OGA: variants seen among roughly 807,000 people sequenced by gnomAD.
The protein encoded by OGA is O-GlcNAcase.
OGA carries 21 observed loss-of-function variants against 102.0 expected under a neutral mutation model. The ratio of observed to expected loss-of-function variants is 0.21; its 90% CI spans 0.15 to 0.30. The LOEUF is 0.30. OGA is among the 10% of genes least tolerant of loss of function. OGA has a pLI of 1.00. For missense variants in OGA, 765 were observed against 1,107.8 expected (o/e 0.69, Z 4.39); for synonymous variants, 408 against 378.2 (o/e 1.08, Z -0.91).
In OGA at chr10:101,795,813, A is replaced by C. The variant is rs988749655; in HGVS notation, c.1985-1815T>G. 11 of 754,310 alleles carry C rather than the reference A, an allele frequency of 1.5e-5. No homozygotes were observed. The African/African-American group carries it at 1.9e-4, about 13-fold the overall frequency. 46.7% of individuals were successfully genotyped at this position (754,310 alleles called of 1,614,324 possible). A position where few individuals can be genotyped will look rare whatever the true frequency, so the allele number is the denominator to read the frequency against. ...AATGATAGTTGATGAGCTTAAAAAA[A>C]ATAAAAAATAAAAAAACTCACAATG... On this transcript the variant is annotated intron_variant, in intron 10 of 15. Coordinates refer to ENST00000361464, the MANE Select transcript of OGA (RefSeq NM_012215.5).
chr10:101,808,557 C>A (rs1482029866), intron 4 of OGA, among the ~76,000 whole-genome samples: 1 of 152,168 alleles, frequency 6.6e-6, no homozygotes, highest in African/African-American at 2.4e-5. Flanking sequence ...AGTAAAATAA[C>A]TTCATTCATG....
intron 11 of OGA, chr10:101,793,699 G>A (rs779310785): frequency 1.1e-4 from 52 of 476,880 alleles, no homozygotes; most frequent in Non-Finnish European, 1.6e-4. Context: ...GAGCCGCTGC[G>A]CTTCGCAGGC....
At chr10:101,806,023 G>A (rs1439231117) in intron 6 of OGA, 22 bp downstream of exon 6, 3 of 1,490,860 alleles carry the variant, frequency 2.0e-6, no homozygotes, top group African/African-American at 1.4e-5. Flanking sequence ...AACTTTGACT[G>A]TATAAATCTT....
intron 6 of OGA, among the ~76,000 whole-genome samples, chr10:101,804,619 T>C (rs1360883837): frequency 4.0e-5 from 6 of 151,894 alleles, no homozygotes; most frequent in Non-Finnish European, 1.5e-5. Flanking sequence ...TGAGACAGGG[T>C]CTCCTCTGTT....
intron 14 of OGA, among the ~76,000 whole-genome samples, chr10:101,788,735 A>C (rs1381935203): frequency 7.1e-6 from 1 of 140,914 alleles, no homozygotes; most frequent in Non-Finnish European, 1.6e-5. Context: ...ACTCCGTCTC[A>C]AAAAAAAAAA....
intron 7 of OGA, among the ~76,000 whole-genome samples, chr10:101,802,482 T>C (rs954705272): frequency 2.6e-5 from 4 of 152,082 alleles, no homozygotes; most frequent in African/African-American, 9.7e-5. Flanking sequence ...AAGACCAGCC[T>C]GACATGGAGA....
intron 10 of OGA, among the ~76,000 whole-genome samples, chr10:101,794,570 A>C (rs1169105289): frequency 1.3e-5 from 2 of 152,240 alleles, no homozygotes; most frequent in African/African-American, 4.8e-5. Flanking sequence ...AACAATTCAA[A>C]ATCAGACTTG....
chr10:101,814,800 T>TC (rs1331157008), intron 1 of OGA, among the ~76,000 whole-genome samples: 1 of 152,122 alleles, frequency 6.6e-6, no homozygotes, highest in African/African-American at 2.4e-5. Context: ...CTCAAGAATG[T>TC]CCCCAGAGTA....
chr10:101,818,444 C>G lies in OGA; in HGVS notation c.-422G>C. 1 of 1,006,386 alleles carries G rather than the reference C, an allele frequency of 9.9e-7. No homozygotes were observed. Among genetic ancestry groups the G allele is most frequent in the South Asian group, 4.1e-5 (1 of 24,274 alleles). The allele number at this position is 1,006,386 out of a possible 1,614,324, so 62.3% of individuals were successfully genotyped here. ...CCACCGCCCGCTTCCTGTTTATCCG[C>G]ACTGCGCTTGCGCTGCAGACCGGCT... On this transcript the variant is annotated 5_prime_UTR_variant, in exon 1 of 16. Coordinates refer to ENST00000361464, the MANE Select transcript of OGA (RefSeq NM_012215.5).
At chr10:101,786,774 C>T (rs1034747651) in intron 15 of OGA, among the ~76,000 whole-genome samples, 187 bp from the exon 16 acceptor site, 1 of 152,230 alleles carries the variant, frequency 6.6e-6, no homozygotes, top group Non-Finnish European at 1.5e-5. Context: ...TGAGCCACTG[C>T]ACCCAGCTTC....
chr10:101,800,675 C>T (rs1025326063), intron 7 of OGA, among the ~76,000 whole-genome samples: 2 of 151,916 alleles, frequency 1.3e-5, no homozygotes, highest in Non-Finnish European at 2.9e-5. Flanking sequence ...CAATCTTAAC[C>T]GTCTACTGAG....
chr10:101,815,318 G>A (rs1255243429), intron 1 of OGA, among the ~76,000 whole-genome samples: 2 of 150,790 alleles, frequency 1.3e-5, no homozygotes, highest in African/African-American at 4.9e-5. Flanking sequence ...TCACTCTGTC[G>A]CCCAGGCTGG....
At position 101,807,850 on chromosome 10, in the gene OGA, G is replaced by A. The variant is rs1391227010; in HGVS notation, c.532C>T (p.His178Tyr). ...TCTTTGTCTGCTGCACACATATTATGGTCTATATCATCAAAAAGCAAAGCA... is the reference window on the plus strand; with the variant it reads ...TCTTTGTCTGCTGCACACATATTATAGTCTATATCATCAAAAAGCAAAGCA... ...SFALLFDDIDHNMCAADKEVF... is the reference protein window; with the variant it reads ...SFALLFDDIDYNMCAADKEVF... Residue 178 changes from histidine to tyrosine, a missense_variant, in exon 5 of 16, where the codon CAT (histidine) becomes TAT (tyrosine). His to Tyr is a moderately conservative substitution (Grantham distance 83, BLOSUM62 2). This residue lies in a region of OGA where 165 missense variants were observed against 249.7 expected (regional missense o/e 0.66). Transcript: ENST00000361464. 2 of 1,602,136 alleles carry A rather than the reference G, an allele frequency of 1.2e-6. No homozygotes were observed. The highest frequency in any genetic ancestry group is 1.7e-6 in the Non-Finnish European group (2 of 1,175,736).
chr10:101,787,918 C>A (rs980893108), intron 14 of OGA: 1 of 164,236 alleles, frequency 6.1e-6, no homozygotes, highest in Admixed American at 5.9e-5. Flanking sequence ...AAAGCTTGGG[C>A]CAGAGATCAA....
rs376694206 is a variant in OGA at position 101,787,217 on chromosome 10, C to T, written c.2614+147G>A. ...AATTATTAATACACATGCGATTCTTCACCACTAATTAATTCAGAAACCAAA... is the reference window on the plus strand; with the variant it reads ...AATTATTAATACACATGCGATTCTTTACCACTAATTAATTCAGAAACCAAA... On this transcript the variant is annotated intron_variant, in intron 15 of 15. Coordinates refer to ENST00000361464, the MANE Select transcript of OGA (RefSeq NM_012215.5). 33 of 843,866 alleles carry T rather than the reference C, an allele frequency of 3.9e-5. No individual in the cohort carries two copies. The East Asian group carries it at 7.6e-4, about 19-fold the overall frequency. The allele number at this position is 843,866 out of a possible 1,614,324, so 52.3% of individuals were successfully genotyped here. A position where few individuals can be genotyped will look rare whatever the true frequency, so the allele number is the denominator to read the frequency against.
intron 10 of OGA, chr10:101,795,806 T>TA (rs1481785992): frequency 3.2e-5 from 23 of 712,150 alleles, no homozygotes; most frequent in South Asian, 6.4e-5. Context: ...TTGATGAGCT[T>TA]AAAAAAAATA....
In OGA at chr10:101,797,960, A is replaced by G; in HGVS notation, c.1984+20T>C. On this transcript the variant is annotated intron_variant, in intron 10 of 15. Transcript: ENST00000361464. ...GGGACAATATATTTGAGGAGAAGAG[A>G]TTATTCCTGGTGCACCTACCTAACC... 1 of 1,603,512 alleles carries G rather than the reference A, an allele frequency of 6.2e-7. No homozygotes were observed. Among genetic ancestry groups the G allele is most frequent in the Non-Finnish European group, 8.5e-7 (1 of 1,171,874 alleles).
At chr10:101,791,811 C>A (rs894989043) in intron 12 of OGA, among the ~76,000 whole-genome samples, 4 of 151,894 alleles carry the variant, frequency 2.6e-5, no homozygotes, top group Non-Finnish European at 5.9e-5. Flanking sequence ...GGATTACAGG[C>A]ATACGCCACC....
intron 14 of OGA, among the ~76,000 whole-genome samples, chr10:101,789,791 C>T (rs555791087): frequency 2.0e-5 from 3 of 152,118 alleles, no homozygotes; most frequent in South Asian, 2.1e-4. Flanking sequence ...CTGGGCAACA[C>T]GGCGAAACCC....
Sources: allele counts gnomAD v4.1 joint callset (sites outside exome capture counted in the v4.1 genomes callset), GRCh38; gene constraint gnomAD v4.1.1; regional missense constraint gnomAD v4.1.1; transcripts MANE v1.5; gene names NCBI Gene and HGNC (gene_info 2026-07-23, HGNC 2026-07-21).